TYW1: variants seen among roughly 807,000 people sequenced by gnomAD.
TYW1 encodes S-adenosyl-L-methionine-dependent tRNA 4-demethylwyosine synthase TYW1.
A neutral mutation model predicts 96.2 loss-of-function variants in TYW1; 46 were observed. That is an observed-to-expected ratio of 0.48 (90% CI 0.38 to 0.61). The LOEUF is 0.61. Ranked by LOEUF, TYW1 falls within the 20% of genes least tolerant of loss-of-function variation. The pLI, the probability that TYW1 is intolerant of heterozygous loss-of-function variation, is 0.00. For synonymous variants in TYW1, 274 were observed against 323.0 expected, an observed-to-expected ratio of 0.85 and a Z score of 1.63; for missense variants, 684 against 909.6, an observed-to-expected ratio of 0.75 and a Z score of 3.19.
At chr7:67,084,710 T>C (rs1796495419) in intron 11 of TYW1, among the ~76,000 whole-genome samples, 1 of 152,088 alleles carries the variant, frequency 6.6e-6, no homozygotes, top group Admixed American at 6.5e-5. Flanking sequence ...AGATGGGGTC[T>C]AGCCATGTTG....
intron 6 of TYW1, among the ~76,000 whole-genome samples, chr7:67,018,801 C>A (rs894832898): frequency 6.6e-6 from 1 of 151,374 alleles, no homozygotes; most frequent in Admixed American, 6.6e-5. Context: ...ACTAAAAATA[C>A]AAAAATTAGC....
intron 9 of TYW1, among the ~76,000 whole-genome samples, chr7:67,066,049 G>A (rs1188088399): frequency 1.3e-5 from 2 of 151,094 alleles, no homozygotes; most frequent in South Asian, 2.1e-4. Context: ...CCCTATACAC[G>A]TGTAAAGGCT....
chr7:67,090,840 A>C (rs1433741999), intron 11 of TYW1, among the ~76,000 whole-genome samples: 1 of 152,196 alleles, frequency 6.6e-6, no homozygotes, highest in Non-Finnish European at 1.5e-5. Context: ...TTACCAGAGA[A>C]ATGCAAATCA....
intron 15 of TYW1, among the ~76,000 whole-genome samples, chr7:67,210,752 TGTC>T (rs1441332117): frequency 1.1e-5 from 1 of 93,360 alleles, no homozygotes; most frequent in East Asian, 2.2e-4. Context: ...TCTGTTTGTC[TGTC>T]GTCTGTCCGT....
intron 10 of TYW1, among the ~76,000 whole-genome samples, chr7:67,077,730 G>A (rs1246775587): frequency 6.6e-6 from 1 of 152,150 alleles, no homozygotes; most frequent in East Asian, 1.9e-4. Flanking sequence ...TTGCAGTGCA[G>A]CAGCTTTTTA....
At chr7:67,155,202 G>A (rs1185294757) in intron 13 of TYW1, among the ~76,000 whole-genome samples, 4 of 152,158 alleles carry the variant, frequency 2.6e-5, no homozygotes, top group African/African-American at 4.8e-5. Context: ...TTGGATGTTT[G>A]TCCCCTCCAA....
chr7:67,211,250 G>C (rs1438220227), intron 15 of TYW1, among the ~76,000 whole-genome samples: 1 of 149,232 alleles, frequency 6.7e-6, no homozygotes, highest in Non-Finnish European at 1.5e-5. Flanking sequence ...CACACAGATG[G>C]TCCCAACTTA....
intron 7 of TYW1, among the ~76,000 whole-genome samples, chr7:67,038,600 T>C (rs1394192981): frequency 1.5e-4 from 22 of 150,184 alleles, no homozygotes; most frequent in Admixed American, 1.5e-3. Flanking sequence ...AGTAAAACCT[T>C]GTCTCCAAAA....
chr7:67,084,971 CT>C (rs1194807750), intron 11 of TYW1, among the ~76,000 whole-genome samples: 27 of 152,324 alleles, frequency 1.8e-4, no homozygotes, highest in African/African-American at 6.5e-4. Flanking sequence ...GCTCTGGTCT[CT>C]ACCTACCACT....
intron 6 of TYW1, among the ~76,000 whole-genome samples, chr7:67,019,585 C>T (rs569840630): frequency 4.6e-5 from 7 of 152,382 alleles, no homozygotes; most frequent in East Asian, 1.9e-4. Context: ...ATCTTGGCCT[C>T]GGACAGCGCT....
chr7:67,015,920 A>G (rs576272533), intron 5 of TYW1, among the ~76,000 whole-genome samples: 75 of 151,424 alleles, frequency 5.0e-4, no homozygotes, highest in African/African-American at 1.8e-3. Context: ...CCGAGATCTC[A>G]CCACTGCACT....
intron 12 of TYW1, among the ~76,000 whole-genome samples, chr7:67,100,687 A>C (rs1454489145): frequency 6.6e-6 from 1 of 151,828 alleles, no homozygotes; most frequent in East Asian, 1.9e-4. Flanking sequence ...TCTACTAAAA[A>C]TACAAATACA....
intron 2 of TYW1, 26 bp downstream of exon 2, chr7:66,998,221 T>C: frequency 1.3e-6 from 2 of 1,583,252 alleles, no homozygotes; most frequent in Non-Finnish European, 1.7e-6. Context: ...TTTTTTTTAA[T>C]GGAGTATTTA....
chr7:67,054,255 T>G (rs141214346), intron 8 of TYW1, among the ~76,000 whole-genome samples: 135 of 147,062 alleles, frequency 9.2e-4, no homozygotes, highest in South Asian at 2.6e-3. Flanking sequence ...ACTACAGATC[T>G]CTTCATTCTG....
At chr7:67,063,634 C>T (rs1397508075) in intron 9 of TYW1, among the ~76,000 whole-genome samples, 3 of 151,510 alleles carry the variant, frequency 2.0e-5, no homozygotes, top group African/African-American at 4.8e-5. Flanking sequence ...GGCGGAGTCT[C>T]GCTCTGTCAC....
chr7:67,064,258 C>A (rs993634131), intron 9 of TYW1, among the ~76,000 whole-genome samples: 8 of 152,074 alleles, frequency 5.3e-5, no homozygotes, highest in Admixed American at 2.6e-4. Flanking sequence ...ACAAAGAAGA[C>A]AGAAATGGGA....
At chr7:67,127,447 A>G (rs979142653) in intron 13 of TYW1, among the ~76,000 whole-genome samples, 34 of 152,080 alleles carry the variant, frequency 2.2e-4, no homozygotes, top group African/African-American at 8.2e-4. Flanking sequence ...GGCTTGACCC[A>G]CTGTGCCCGG....
intron 13 of TYW1, among the ~76,000 whole-genome samples, chr7:67,141,310 C>CG (rs1798440929): frequency 6.6e-6 from 1 of 152,110 alleles, no homozygotes; most frequent in Non-Finnish European, 1.5e-5. Flanking sequence ...TTTATGCAAA[C>CG]CTAAGAGGCC....
At chr7:67,199,366 T>G (rs904099088) in intron 15 of TYW1, among the ~76,000 whole-genome samples, 2 of 152,168 alleles carry the variant, frequency 1.3e-5, no homozygotes, top group Non-Finnish European at 2.9e-5. Context: ...TCGTTAGTGG[T>G]GATGATTTTG....
Sources: allele counts gnomAD v4.1 joint callset (sites outside exome capture counted in the v4.1 genomes callset), GRCh38; gene constraint gnomAD v4.1.1; transcripts MANE v1.5; gene names NCBI Gene and HGNC (gene_info 2026-07-23, HGNC 2026-07-21).